The following SFMBT2 variants were observed in gnomAD, a reference collection of about 807,000 sequenced individuals.
The protein encoded by SFMBT2 is Scm like with four mbt domains 2.
In SFMBT2, 38 loss-of-function variants were observed where a neutral mutation model predicts 110.1. The ratio of observed to expected loss-of-function variants is 0.35; its 90% CI spans 0.27 to 0.45. The LOEUF is 0.45. Among genes scored for constraint, SFMBT2 ranks in the 20% least tolerant of loss-of-function variants. The probability of loss-of-function intolerance (pLI) is 1.00; values close to 1 mark genes in which losing one functional copy is unlikely to be tolerated. For synonymous variants in SFMBT2, 425 were observed against 425.4 expected (o/e 1.00, Z 0.01); for missense variants, 1,011 against 1,094.9 (o/e 0.92, Z 1.08).
rs1459161815 is a variant in SFMBT2 at position 7,408,974 on chromosome 10, G to A, written c.-52+1887C>T. ...AGGGACAATTTCTTCCCCAAACGCT[G>A]TCCCCATCCCCCACCTTCCCTAGAG... On this transcript the variant is annotated intron_variant, in intron 1 of 20. Transcript: ENST00000397167. The surrounding 1 kb of genome is among the most constrained non-coding windows in gnomAD (Gnocchi z 5.7). Among the ~76,000 whole-genome samples, 2 of 152,000 alleles carry A rather than the reference G, an allele frequency of 1.3e-5. No individual in the cohort carries two copies. The highest frequency in any genetic ancestry group is 6.6e-5 in the Admixed American group (1 of 15,252).
intron 7 of SFMBT2, among the ~76,000 whole-genome samples, chr10:7,269,212 G>A (rs1005372818): frequency 6.6e-6 from 1 of 152,022 alleles, no homozygotes; most frequent in Non-Finnish European, 1.5e-5. Flanking sequence ...AGTAAAGTAT[G>A]GCATCCAAAG....
chr10:7,260,356 G>C (rs1841154867), intron 7 of SFMBT2, among the ~76,000 whole-genome samples: 1 of 152,168 alleles, frequency 6.6e-6, no homozygotes, highest in South Asian at 2.1e-4. Context: ...GAAAAGCCTG[G>C]TGAACAGAGC....
At position 7,276,913 on chromosome 10, in the gene SFMBT2, A is replaced by T; in HGVS notation, c.849T>A (p.Pro283=). ...TTACCTTAAACACTTCCATTGGAAG[A>T]GGAAATTTGGCAGCATCAATAAGGG... ...EKSLIDAAKF[P]LPMEVFKDHA... Residue 283 remains proline, a synonymous_variant, in exon 7 of 21, where the codon CCT becomes CCA. Transcript: ENST00000397167. 1.1e-6 allele frequency: 1 copy of T among 872,452 alleles called. No individual in the cohort carries two copies. Among genetic ancestry groups the T allele is most frequent in the Non-Finnish European group, 2.0e-6 (1 of 501,182 alleles). 54.0% of individuals were successfully genotyped at this position (872,452 alleles called of 1,614,324 possible). A position where few individuals can be genotyped will look rare whatever the true frequency, so the allele number is the denominator to read the frequency against.
intron 4 of SFMBT2, chr10:7,287,368 C>T (rs765579612): frequency 3.7e-5 from 9 of 243,660 alleles, no homozygotes; most frequent in South Asian, 1.5e-4. Flanking sequence ...CGTGAGCCAC[C>T]GCACCCGGCC....
rs115643049 is a variant in SFMBT2 at position 7,403,226 on chromosome 10, A to G, written c.-52+7635T>C. On this transcript the variant is annotated intron_variant, in intron 1 of 20. Coordinates refer to ENST00000397167, the MANE Select transcript of SFMBT2 (RefSeq NM_001387889.1). Reference sequence around the variant, plus strand: ...GTCTTACCCCATTTCAAAATTAACTACTAAACACAAACCCTATTAGAATGA... The same window carrying G: ...GTCTTACCCCATTTCAAAATTAACTGCTAAACACAAACCCTATTAGAATGA... 2.5e-3 allele frequency among the ~76,000 whole-genome samples: 374 copies of G among 152,342 alleles called. 1 individual carries two copies. Among genetic ancestry groups the G allele is most frequent in the African/African-American group, 8.7e-3 (360 of 41,584 alleles).
Position 7,201,583 on chromosome 10 carries a change from T to C in SFMBT2, c.1487+897A>G, listed in dbSNP as rs147117872. On this transcript the variant is annotated intron_variant, in intron 13 of 20. Coordinates refer to ENST00000397167, the MANE Select transcript of SFMBT2 (RefSeq NM_001387889.1). Reference sequence around the variant, plus strand: ...TTCAAATCGTGCAGTTCCAGTTCAATTTCATCTTATTTAAATTTAAACTCG... The same window carrying C: ...TTCAAATCGTGCAGTTCCAGTTCAACTTCATCTTATTTAAATTTAAACTCG... Among the ~76,000 whole-genome samples the C allele has an allele frequency of 8.8e-3, 1,338 of 152,316 alleles. 12 individuals carry two copies. The highest frequency in any genetic ancestry group is 0.022 in the African/African-American group (899 of 41,564).
rs758710998 is a variant in SFMBT2 at position 7,171,089 on chromosome 10, G to A, written c.2416-33C>T. The A allele has an allele frequency of 1.5e-5, 24 of 1,613,292 alleles. No individual in the cohort carries two copies. In the Admixed American group the frequency reaches 1.8e-4, roughly 12 times the overall value. On this transcript the variant is annotated intron_variant, in intron 19 of 20. Transcript: ENST00000397167. The surrounding 1 kb of genome is among the most constrained non-coding windows in gnomAD (Gnocchi z 4.9). ...GAAAGGGCAGGAGGAGCTCAGCTGCGGCACAGTCAGCTGGCTGGGTCCTCT... is the reference window on the plus strand; with the variant it reads ...GAAAGGGCAGGAGGAGCTCAGCTGCAGCACAGTCAGCTGGCTGGGTCCTCT...
chr10:7,163,830 G>A lies in SFMBT2; in HGVS notation c.2625C>T (p.Ile875=). The A allele has an allele frequency of 6.2e-7, 1 of 1,614,218 alleles. No individual in the cohort carries two copies. Among genetic ancestry groups the A allele is most frequent in the Non-Finnish European group, 8.5e-7 (1 of 1,180,040 alleles). The change falls in exon 21 of 21, where the codon ATC becomes ATT. Residue 875 remains isoleucine (I), a synonymous_variant. Coordinates refer to ENST00000397167, the MANE Select transcript of SFMBT2 (RefSeq NM_001387889.1). This position sits in a 1 kb window ranked among gnomAD's most constrained non-coding sequence, Gnocchi z 4.8. Reference sequence around the variant, plus strand: ...CTCTCTCGATCTGGTGGCATAACTTGATGGCAGGCCCCAGCTTCAGCTCCA... The same window carrying A: ...CTCTCTCGATCTGGTGGCATAACTTAATGGCAGGCCCCAGCTTCAGCTCCA... The part of the protein sequence containing the change: ...ECMELKLGPA[I]KLCHQIERVK...
chr10:7,275,749 G>A (rs981133071), intron 7 of SFMBT2, among the ~76,000 whole-genome samples: 2 of 152,124 alleles, frequency 1.3e-5, no homozygotes, highest in Admixed American at 1.3e-4. Flanking sequence ...TACAAACAGG[G>A]GAAGTACTGA....
chr10:7,230,858 G>A (rs149545830), intron 9 of SFMBT2, among the ~76,000 whole-genome samples: 2,168 of 152,158 alleles, frequency 0.014, 26 homozygotes, highest in African/African-American at 0.047. Flanking sequence ...GCTTGAACCC[G>A]GAGGCGGAGA....
chr10:7,320,865 A>G (rs149542949), intron 4 of SFMBT2, among the ~76,000 whole-genome samples: 5 of 152,312 alleles, frequency 3.3e-5, no homozygotes, highest in African/African-American at 1.2e-4. Context: ...GTTAAGAGAG[A>G]GCAACTCCCA....
intron 2 of SFMBT2, chr10:7,370,707 C>G (rs1209581204): frequency 6.2e-5 from 21 of 338,980 alleles, no homozygotes; most frequent in Non-Finnish European, 8.4e-5. Context: ...GACATCCCAG[C>G]CTGCAGGGAG....
intron 16 of SFMBT2, among the ~76,000 whole-genome samples, chr10:7,183,508 G>A (rs1838304223): frequency 6.6e-6 from 1 of 152,218 alleles, no homozygotes; most frequent in African/African-American, 2.4e-5. Context: ...AGATAGTTGA[G>A]ATTCGACAGA....
chr10:7,209,493 C>G (rs2131621763), intron 11 of SFMBT2, among the ~76,000 whole-genome samples: 1 of 152,304 alleles, frequency 6.6e-6, no homozygotes, highest in East Asian at 1.9e-4. Flanking sequence ...TGGGAAAGCA[C>G]TTAAGTAAAT....
At chr10:7,190,681 C>T (rs1487662732) in intron 15 of SFMBT2, among the ~76,000 whole-genome samples, 1 of 152,208 alleles carries the variant, frequency 6.6e-6, no homozygotes. Context: ...CACAGTTAGA[C>T]TGAATTATTG....
At chr10:7,324,820 G>A (rs1843325730) in intron 4 of SFMBT2, among the ~76,000 whole-genome samples, 1 of 152,162 alleles carries the variant, frequency 6.6e-6, no homozygotes, top group Non-Finnish European at 1.5e-5. Flanking sequence ...TGACCTCTTT[G>A]TGTGCTCAGG....
chr10:7,233,377 G>A (rs1289368746), intron 9 of SFMBT2, among the ~76,000 whole-genome samples: 1 of 152,160 alleles, frequency 6.6e-6, no homozygotes, highest in East Asian at 1.9e-4. Flanking sequence ...AAGCAAGGAT[G>A]GAGGGACACT....
At chr10:7,327,343 C>T (rs189929872) in intron 4 of SFMBT2, among the ~76,000 whole-genome samples, 3 of 152,144 alleles carry the variant, frequency 2.0e-5, no homozygotes. Context: ...AAAAAAAATC[C>T]CTCCTTCTGT....
chr10:7,239,441 CAAT>C (rs1840366566), intron 9 of SFMBT2, among the ~76,000 whole-genome samples: 1 of 152,182 alleles, frequency 6.6e-6, no homozygotes, highest in Non-Finnish European at 1.5e-5. Flanking sequence ...AACATCTCTA[CAAT>C]ATGACTCTTA....
Sources: allele counts gnomAD v4.1 joint callset (sites outside exome capture counted in the v4.1 genomes callset), GRCh38; gene constraint gnomAD v4.1.1; non-coding constraint Gnocchi (gnomAD v3.1); transcripts MANE v1.5; gene names NCBI Gene and HGNC (gene_info 2026-07-23, HGNC 2026-07-21).